The following GRM7 variants were observed in gnomAD, a reference collection of about 807,000 sequenced individuals.
The protein encoded by GRM7 is glutamate metabotropic receptor 7.
In GRM7, 35 loss-of-function variants were observed where a neutral mutation model predicts 84.5. The observed-to-expected ratio is 0.41, with a 90% CI of 0.32 to 0.55. GRM7 has a LOEUF of 0.55. Among genes scored for constraint, GRM7 ranks in the 20% least tolerant of loss-of-function variants. The pLI, the probability that GRM7 is intolerant of heterozygous loss-of-function variation, is 0.19. For missense variants in GRM7, 1,003 were observed against 1,194.6 expected (o/e 0.84, Z 2.36); for synonymous variants, 487 against 455.1 (o/e 1.07, Z -0.89).
rs144004058 is a variant in GRM7, at chr3:7,621,662, T to C, written c.2451+42305T>C. On this transcript the variant is annotated intron_variant, in intron 8 of 9. Coordinates refer to ENST00000357716, the MANE Select transcript of GRM7 (RefSeq NM_000844.4). ...TACAACAGCAGTGATCAAAGGGACATGTTTTTTTGTTGCTGCTATGACCAG... is the reference window on the plus strand; with the variant it reads ...TACAACAGCAGTGATCAAAGGGACACGTTTTTTTGTTGCTGCTATGACCAG... Among the ~76,000 whole-genome samples the C allele has an allele frequency of 9.2e-5, 14 of 152,254 alleles. No homozygotes were observed. In the East Asian group the frequency reaches 2.7e-3, roughly 29 times the overall value.
intron 1 of GRM7, among the ~76,000 whole-genome samples, chr3:7,049,701 A>T (rs1229156021): frequency 1.3e-5 from 2 of 151,978 alleles, no homozygotes; most frequent in Admixed American, 6.6e-5. Flanking sequence ...ATTGCAAAAG[A>T]AGCCCAACAT....
intron 5 of GRM7, among the ~76,000 whole-genome samples, chr3:7,440,846 A>G (rs1389171418): frequency 6.6e-6 from 1 of 152,152 alleles, no homozygotes; most frequent in Non-Finnish European, 1.5e-5. Flanking sequence ...TTATGGATGT[A>G]CAGTATTCCA....
chr3:7,455,057 A>T (rs1697947505), intron 6 of GRM7, among the ~76,000 whole-genome samples: 1 of 152,182 alleles, frequency 6.6e-6, no homozygotes, highest in South Asian at 2.1e-4. Context: ...TCAAAAACTG[A>T]AGTGGTCATG....
At chr3:7,116,913 C>T (rs1013072351) in intron 1 of GRM7, among the ~76,000 whole-genome samples, 3 of 152,120 alleles carry the variant, frequency 2.0e-5, no homozygotes, top group African/African-American at 7.2e-5. Flanking sequence ...CTTTGCTCTA[C>T]TTGGCAATAT....
At chr3:7,176,550 T>G (rs1695157821) in intron 2 of GRM7, among the ~76,000 whole-genome samples, 1 of 152,244 alleles carries the variant, frequency 6.6e-6, no homozygotes, top group Non-Finnish European at 1.5e-5. Context: ...CTGCAAAAAC[T>G]GAGTAATCTA....
At chr3:7,627,335 C>T (rs910208951) in intron 8 of GRM7, among the ~76,000 whole-genome samples, 1 of 152,164 alleles carries the variant, frequency 6.6e-6, no homozygotes, top group Non-Finnish European at 1.5e-5. Flanking sequence ...CAAATTAGCA[C>T]TCTATCTTTC....
chr3:7,347,853 C>T (rs1431134049), intron 4 of GRM7, among the ~76,000 whole-genome samples: 1 of 152,120 alleles, frequency 6.6e-6, no homozygotes, highest in East Asian at 1.9e-4. Context: ...TGACATTGTC[C>T]CTTGGACTTC....
chr3:7,661,073 G>A (rs1030444061), intron 8 of GRM7, among the ~76,000 whole-genome samples: 4 of 152,254 alleles, frequency 2.6e-5, no homozygotes, highest in East Asian at 1.9e-4. Flanking sequence ...GTATCATGCC[G>A]AACACACAAT....
At chr3:7,239,073 C>T (rs1697455695) in intron 2 of GRM7, among the ~76,000 whole-genome samples, 1 of 146,584 alleles carries the variant, frequency 6.8e-6, no homozygotes, top group African/African-American at 2.5e-5. Flanking sequence ...CTCACTGAAG[C>T]CTGCAGCCTT....
At chr3:7,683,296 A>G (rs1205930164) in intron 9 of GRM7, among the ~76,000 whole-genome samples, 1 of 152,170 alleles carries the variant, frequency 6.6e-6, no homozygotes, top group African/African-American at 2.4e-5. Flanking sequence ...CAATGATTTC[A>G]TTTGGTATCT....
intron 2 of GRM7, among the ~76,000 whole-genome samples, chr3:7,162,906 TGCA>T (rs371380172): frequency 6.6e-6 from 1 of 151,302 alleles, no homozygotes; most frequent in East Asian, 2.0e-4. Flanking sequence ...ATTACGGGAG[TGCA>T]CCACAGTACC....
chr3:7,114,045 C>T (rs1446926685), intron 1 of GRM7, among the ~76,000 whole-genome samples: 1 of 152,108 alleles, frequency 6.6e-6, no homozygotes, highest in East Asian at 1.9e-4. Context: ...ATGCATATTG[C>T]CTCTCAGATA....
chr3:7,122,942 T>C (rs1453044419), intron 1 of GRM7, among the ~76,000 whole-genome samples: 1 of 152,092 alleles, frequency 6.6e-6, no homozygotes, highest in African/African-American at 2.4e-5. Flanking sequence ...AACCTGCAGC[T>C]ATAAAACAAG....
At position 7,166,235 on chromosome 3, in the gene GRM7, G is replaced by GTT. The variant is rs144595115; in HGVS notation, c.736+19574_736+19575dup. Among the ~76,000 whole-genome samples the GTT allele has an allele frequency of 2.1e-3, 319 of 151,892 alleles. 2 individuals carry two copies. Among genetic ancestry groups the GTT allele is most frequent in the African/African-American group, 7.4e-3 (305 of 41,404 alleles). On this transcript the variant is annotated intron_variant, in intron 2 of 9. Transcript: ENST00000357716. ...TGAGCTATTTCCAGGTTTAAATAAA[G>GTT]TTTTTTTTGAATTTCTAATAGTGGC...
chr3:6,894,375 G>A (rs1696090994), intron 1 of GRM7, among the ~76,000 whole-genome samples: 1 of 152,084 alleles, frequency 6.6e-6, no homozygotes, highest in Non-Finnish European at 1.5e-5. Flanking sequence ...CTGCAATAAT[G>A]AAAGCAAATC....
chr3:7,589,230 G>A (rs1478887057), intron 8 of GRM7, among the ~76,000 whole-genome samples: 3 of 152,166 alleles, frequency 2.0e-5, no homozygotes, highest in East Asian at 1.9e-4. Flanking sequence ...TTATTTTCAT[G>A]TTGCAGATCT....
At chr3:7,142,450 AG>A (rs1189811377) in intron 1 of GRM7, among the ~76,000 whole-genome samples, 2 of 152,082 alleles carry the variant, frequency 1.3e-5, no homozygotes, top group East Asian at 3.9e-4. Context: ...ACAAGGCGGC[AG>A]GAAGAAGTGA....
chr3:7,043,021 T>C (rs1468601840), intron 1 of GRM7, among the ~76,000 whole-genome samples: 2 of 152,236 alleles, frequency 1.3e-5, no homozygotes, highest in East Asian at 3.8e-4. Context: ...AGCTAAGTTT[T>C]GCTCCACTTC....
Position 7,458,495 on chromosome 3 carries a change from T to A in GRM7, c.1376-3088T>A, listed in dbSNP as rs139197592. Among the ~76,000 whole-genome samples, 1,157 of 152,306 alleles carry A rather than the reference T, an allele frequency of 7.6e-3. 19 individuals are homozygous for A. Among genetic ancestry groups the A allele is most frequent in the Non-Finnish European group, 0.011 (731 of 68,032 alleles). On this transcript the variant is annotated intron_variant, in intron 6 of 9. Transcript: ENST00000357716. ...TAAGACAGCTGCATTAGAGAATCCATCAAAAAGGCCAAACCCACACAATGT... is the reference window on the plus strand; with the variant it reads ...TAAGACAGCTGCATTAGAGAATCCAACAAAAAGGCCAAACCCACACAATGT...
Sources: gnomAD v4.1 joint callset for allele counts (sites outside exome capture counted in the v4.1 genomes callset) on GRCh38, gnomAD v4.1.1 for gene constraint, MANE v1.5 for transcripts, NCBI Gene and HGNC (gene_info 2026-07-23, HGNC 2026-07-21) for gene names.